Variants in SLC1A3 observed in about 807,000 individuals in gnomAD.
SLC1A3 encodes solute carrier family 1 member 3.
A neutral mutation model predicts 48.1 loss-of-function variants in SLC1A3; 21 were observed. The observed-to-expected ratio is 0.44, with a 90% CI of 0.31 to 0.63. The LOEUF (loss-of-function observed/expected upper bound fraction) is 0.63. Among genes scored for constraint, SLC1A3 ranks in the 20% least tolerant of loss-of-function variants. The pLI is 0.08. For missense variants in SLC1A3, 546 were observed against 689.0 expected, an observed-to-expected ratio of 0.79 and a Z score of 2.32; for synonymous variants, 239 against 251.4, an observed-to-expected ratio of 0.95 and a Z score of 0.47.
intron 3 of SLC1A3, among the ~76,000 whole-genome samples, chr5:36,648,195 A>G (rs976158164): frequency 2.0e-5 from 3 of 152,174 alleles, no homozygotes; most frequent in African/African-American, 4.8e-5. Context: ...ATACTGTCTC[A>G]ATGTTGAAAG....
chr5:36,685,535 C>A (rs908079246), intron 9 of SLC1A3, among the ~76,000 whole-genome samples: 13 of 152,218 alleles, frequency 8.5e-5, no homozygotes, highest in Non-Finnish European at 1.0e-4. Flanking sequence ...CTTGGCCTCC[C>A]AAAGTGCTGA....
intron 3 of SLC1A3, among the ~76,000 whole-genome samples, chr5:36,634,059 T>A (rs1009306738): frequency 2.6e-5 from 4 of 152,118 alleles, no homozygotes; most frequent in African/African-American, 9.7e-5. Flanking sequence ...GCAGATCACT[T>A]GAGGTCACAT....
chr5:36,614,347 T>G (rs1386900630), intron 2 of SLC1A3, among the ~76,000 whole-genome samples: 1 of 152,120 alleles, frequency 6.6e-6, no homozygotes, highest in Non-Finnish European at 1.5e-5. Flanking sequence ...TTGGGGAGGC[T>G]GGGGGGCAGA....
At chr5:36,608,266 G>T in intron 1 of SLC1A3, 63 bp from the exon 2 acceptor site, 1 of 644,498 alleles carries the variant, frequency 1.6e-6, no homozygotes. Context: ...TGCCTGGTGT[G>T]GAGCAGCACT....
At chr5:36,613,813 T>G (rs908051459) in intron 2 of SLC1A3, among the ~76,000 whole-genome samples, 3 of 152,152 alleles carry the variant, frequency 2.0e-5, no homozygotes, top group African/African-American at 7.2e-5. Context: ...AGAGTTTTTC[T>G]CTGGAGAAGC....
chr5:36,687,177 T>G lies in SLC1A3; in HGVS notation c.*908T>G, dbSNP rs1742684192. 6.6e-6 allele frequency: 1 copy of G among 152,234 alleles called. No homozygotes were observed. Among genetic ancestry groups the G allele is most frequent in the Non-Finnish European group, 1.5e-5 (1 of 68,050 alleles). The allele number at this position is 152,234 out of a possible 1,614,324, so 9.4% of individuals were successfully genotyped here. On this transcript the variant is annotated 3_prime_UTR_variant, in exon 10 of 10. Transcript: ENST00000265113. ...AAACTCTTTGCCCAGTTCATCCCAA[T>G]GGGGGAAGTATTCCCTTCTTTCCTA... is the stretch of plus-strand genomic sequence containing the variant.
At position 36,633,400 on chromosome 5, in the gene SLC1A3, A is replaced by G. The variant is rs201038462; in HGVS notation, c.319+3813A>G. Among the ~76,000 whole-genome samples, 14 of 152,306 alleles carry G rather than the reference A, an allele frequency of 9.2e-5. No individual in the cohort carries two copies. The East Asian group carries it at 2.7e-3, about 29-fold the overall frequency. ...AAAGAGGTGAGAGAGGAGTGTCAAC[A>G]CGAGTAAAAGCAACAGTGTCTGGGA... On this transcript the variant is annotated intron_variant, in intron 3 of 9. Coordinates refer to ENST00000265113, the MANE Select transcript of SLC1A3 (RefSeq NM_004172.5).
chr5:36,596,940 G>C (rs1478897347), intron 1 of SLC1A3, among the ~76,000 whole-genome samples: 1 of 151,190 alleles, frequency 6.6e-6, no homozygotes, highest in East Asian at 1.9e-4. Context: ...TAGATATCTT[G>C]GAATACGGAA....
chr5:36,610,416 T>A (rs1445466801), intron 2 of SLC1A3, among the ~76,000 whole-genome samples: 1 of 152,198 alleles, frequency 6.6e-6, no homozygotes, highest in African/African-American at 2.4e-5. Context: ...TAATTCATGA[T>A]CCTATACGTA....
chr5:36,645,983 T>G (rs1042191137), intron 3 of SLC1A3, among the ~76,000 whole-genome samples: 19 of 152,228 alleles, frequency 1.2e-4, no homozygotes, highest in Non-Finnish European at 1.6e-4. Flanking sequence ...TGCATTGATA[T>G]TGATGTCTTC....
intron 3 of SLC1A3, among the ~76,000 whole-genome samples, chr5:36,651,364 C>G (rs1254154406): frequency 6.6e-6 from 1 of 152,066 alleles, no homozygotes; most frequent in African/African-American, 2.4e-5. Flanking sequence ...TCCGCCTACC[C>G]CACAATCCAG....
chr5:36,612,431 A>G (rs1200854445), intron 2 of SLC1A3, among the ~76,000 whole-genome samples: 1 of 152,068 alleles, frequency 6.6e-6, no homozygotes, highest in Non-Finnish European at 1.5e-5. Flanking sequence ...ACATTTTTTA[A>G]AAAAGTATCC....
intron 2 of SLC1A3, 95 bp from the exon 3 acceptor site, chr5:36,629,355 C>G (rs1740036158): frequency 9.2e-7 from 1 of 1,084,174 alleles, no homozygotes; most frequent in South Asian, 1.4e-5. Context: ...TAAATACAAC[C>G]ACCAGCCAAA....
chr5:36,614,521 C>G (rs1461286792), intron 2 of SLC1A3, among the ~76,000 whole-genome samples: 1 of 152,184 alleles, frequency 6.6e-6, no homozygotes, highest in South Asian at 2.1e-4. Context: ...CCTTACCGAT[C>G]TGGCCTCCTG....
intron 8 of SLC1A3, among the ~76,000 whole-genome samples, chr5:36,682,373 G>T (rs1387377009): frequency 6.6e-6 from 1 of 152,186 alleles, no homozygotes; most frequent in African/African-American, 2.4e-5. Context: ...AAAGGAAAAG[G>T]CTGATCAGGG....
chr5:36,671,887 T>C (rs1352417474), intron 4 of SLC1A3, among the ~76,000 whole-genome samples: 3 of 152,154 alleles, frequency 2.0e-5, no homozygotes, highest in Non-Finnish European at 4.4e-5. Context: ...TGTAGAACTG[T>C]GAAGTAAGCC....
Position 36,671,067 on chromosome 5 carries a change from G to C in SLC1A3, c.358G>C (p.Gly120Arg), listed in dbSNP as rs1223988110. The C allele has an allele frequency of 1.9e-6, 3 of 1,614,010 alleles. No homozygotes were observed. The highest frequency in any genetic ancestry group is 1.7e-6 in the Non-Finnish European group (2 of 1,179,904). Residue 120 changes from glycine (G) to arginine (R), a missense_variant, in exon 4 of 10, where the codon GGA becomes CGA. Physicochemically the swap from Gly to Arg is moderately radical, Grantham distance 125. Coordinates refer to ENST00000265113, the MANE Select transcript of SLC1A3 (RefSeq NM_004172.5). ...AGATAGTAAGGCATCAGGGAAGATG[G>C]GAATGCGAGCTGTAGTCTATTATAT... is the stretch of plus-strand genomic sequence containing the variant. ...ALDSKASGKM[G>R]MRAVVYYMTT...
intron 2 of SLC1A3, among the ~76,000 whole-genome samples, chr5:36,620,622 T>A (rs1016432933): frequency 6.6e-6 from 1 of 152,172 alleles, no homozygotes; most frequent in Non-Finnish European, 1.5e-5. Context: ...AAATAAGACA[T>A]GTTTGTTCAT....
At chr5:36,663,795 G>A (rs1224288815) in intron 3 of SLC1A3, among the ~76,000 whole-genome samples, 3 of 152,192 alleles carry the variant, frequency 2.0e-5, no homozygotes, top group African/African-American at 7.2e-5. Context: ...GTGAAAACCC[G>A]TGTGAAAATG....
Sources: allele counts gnomAD v4.1 joint callset (sites outside exome capture counted in the v4.1 genomes callset), GRCh38; gene constraint gnomAD v4.1.1; transcripts MANE v1.5; gene names NCBI Gene and HGNC (gene_info 2026-07-23, HGNC 2026-07-21).